ERBB4: variants seen among roughly 807,000 people sequenced by gnomAD.
ERBB4 encodes receptor tyrosine-protein kinase erbB-4.
A neutral mutation model predicts 158.0 loss-of-function variants in ERBB4; 42 were observed. That is an observed-to-expected ratio of 0.27 (90% CI 0.21 to 0.34). ERBB4 has a LOEUF of 0.34. Ranked by LOEUF, ERBB4 falls within the 10% of genes least tolerant of loss-of-function variation. The pLI, the probability that ERBB4 is intolerant of heterozygous loss-of-function variation, is 1.00. For missense variants in ERBB4, 1,333 were observed against 1,624.1 expected (o/e 0.82, Z 3.08); for synonymous variants, 583 against 558.7 (o/e 1.04, Z -0.61).
chr2:212,480,616 T>C (rs1689646240), intron 1 of ERBB4, among the ~76,000 whole-genome samples: 1 of 152,206 alleles, frequency 6.6e-6, no homozygotes, highest in Non-Finnish European at 1.5e-5. Context: ...AATTGAATTG[T>C]AGTGTGCTGT....
chr2:211,408,132 C>CA (rs2063182892), intron 25 of ERBB4, among the ~76,000 whole-genome samples: 2 of 152,090 alleles, frequency 1.3e-5, no homozygotes, highest in East Asian at 1.9e-4. Flanking sequence ...AAATAACTTC[C>CA]AAAAAATTTG....
intron 1 of ERBB4, among the ~76,000 whole-genome samples, chr2:212,496,741 T>C (rs1010624718): frequency 6.6e-6 from 1 of 152,220 alleles, no homozygotes; most frequent in Non-Finnish European, 1.5e-5. Context: ...ATCTCTATGC[T>C]GACTTCATAA....
intron 1 of ERBB4, among the ~76,000 whole-genome samples, chr2:212,215,472 A>T (rs1421727097): frequency 6.6e-6 from 1 of 151,436 alleles, no homozygotes; most frequent in Non-Finnish European, 1.5e-5. Flanking sequence ...GCATTGTATA[A>T]AATGAGTTAT....
chr2:211,884,829 G>T (rs1378779354), intron 3 of ERBB4, among the ~76,000 whole-genome samples: 1 of 152,028 alleles, frequency 6.6e-6, no homozygotes, highest in Non-Finnish European at 1.5e-5. Flanking sequence ...CCATAACATT[G>T]TATTTCACTT....
intron 2 of ERBB4, among the ~76,000 whole-genome samples, chr2:212,042,600 C>A (rs1288776577): frequency 6.6e-6 from 1 of 152,054 alleles, no homozygotes; most frequent in Non-Finnish European, 1.5e-5. Flanking sequence ...GTCCAGTTGA[C>A]ATTTAATCTA....
chr2:212,052,911 T>C (rs202071574), intron 2 of ERBB4, among the ~76,000 whole-genome samples: 1 of 152,214 alleles, frequency 6.6e-6, no homozygotes, highest in African/African-American at 2.4e-5. Context: ...ATCACCCGAA[T>C]AAAAAAGCTT....
chr2:212,357,725 T>C (rs1397282038), intron 1 of ERBB4, among the ~76,000 whole-genome samples: 3 of 151,796 alleles, frequency 2.0e-5, no homozygotes, highest in Non-Finnish European at 2.9e-5. Context: ...AAAGACATAG[T>C]GTGCTGCCCT....
At chr2:212,056,332 G>C in intron 2 of ERBB4, among the ~76,000 whole-genome samples, 1 of 152,168 alleles carries the variant, frequency 6.6e-6, no homozygotes. Flanking sequence ...GGGGAGAATG[G>C]AACCAAGTTG....
At chr2:211,697,119 C>T (rs1000115643) in intron 12 of ERBB4, among the ~76,000 whole-genome samples, 9 of 148,030 alleles carry the variant, frequency 6.1e-5, no homozygotes, top group African/African-American at 2.3e-4. Context: ...GTATACTCAT[C>T]TGCAAATGCA....
At chr2:212,344,956 A>C (rs1336930830) in intron 1 of ERBB4, among the ~76,000 whole-genome samples, 2 of 152,146 alleles carry the variant, frequency 1.3e-5, no homozygotes, top group African/African-American at 4.8e-5. Flanking sequence ...AAATAAAATA[A>C]TGTTTATAAA....
intron 4 of ERBB4, among the ~76,000 whole-genome samples, chr2:211,768,991 A>T (rs6746063): frequency 6.6e-6 from 1 of 152,076 alleles, no homozygotes; most frequent in South Asian, 2.1e-4. Flanking sequence ...ACATAAGTTC[A>T]AATTCCAAAC....
chr2:212,451,083 G>A (rs1166038713), intron 1 of ERBB4, among the ~76,000 whole-genome samples: 1 of 152,170 alleles, frequency 6.6e-6, no homozygotes, highest in Non-Finnish European at 1.5e-5. Context: ...GAAGTAGAAA[G>A]TAGAGAATGA....
At chr2:211,504,217 G>A (rs2065688083) in intron 20 of ERBB4, among the ~76,000 whole-genome samples, 1 of 151,968 alleles carries the variant, frequency 6.6e-6, no homozygotes, top group Admixed American at 6.6e-5. Flanking sequence ...ATAAGATAAG[G>A]CTCCCAAGAT....
chr2:212,356,945 G>A (rs778478536), intron 1 of ERBB4, among the ~76,000 whole-genome samples: 45 of 151,890 alleles, frequency 3.0e-4, no homozygotes, highest in Non-Finnish European at 4.6e-4. Context: ...TCAAACATAA[G>A]TATATTTTCC....
intron 2 of ERBB4, among the ~76,000 whole-genome samples, chr2:212,028,765 A>C (rs934190703): frequency 1.8e-4 from 27 of 152,068 alleles, no homozygotes; most frequent in African/African-American, 6.0e-4. Flanking sequence ...CTTCTTTTAC[A>C]GTGGTGCTCA....
intron 3 of ERBB4, among the ~76,000 whole-genome samples, chr2:211,822,630 G>C (rs1216464606): frequency 1.3e-5 from 2 of 151,998 alleles, no homozygotes; most frequent in Admixed American, 6.6e-5. Flanking sequence ...TATTACATAA[G>C]TAATGCAACA....
Position 211,600,916 on chromosome 2 carries a change from G to C in ERBB4, c.2301+18261C>G, listed in dbSNP as rs1251920645. ...GAAATCTTTTGAGTTAACTAAGGTGGGTAACTCAAACAAATGGTCACACAC... is the reference window on the plus strand; with the variant it reads ...GAAATCTTTTGAGTTAACTAAGGTGCGTAACTCAAACAAATGGTCACACAC... On this transcript the variant is annotated intron_variant, in intron 19 of 27. Transcript: ENST00000342788. 2.0e-5 allele frequency among the ~76,000 whole-genome samples: 3 copies of C among 151,806 alleles called. 1 individual carries two copies. The South Asian group carries it at 6.2e-4, about 32-fold the overall frequency.
At chr2:211,972,770 A>G (rs908087256) in intron 2 of ERBB4, among the ~76,000 whole-genome samples, 26 of 152,202 alleles carry the variant, frequency 1.7e-4, no homozygotes, top group Non-Finnish European at 2.9e-5. Context: ...TGGACTAAAG[A>G]TTTAAATGTA....
intron 1 of ERBB4, among the ~76,000 whole-genome samples, chr2:212,514,001 T>A (rs1035303345): frequency 2.0e-5 from 3 of 152,132 alleles, no homozygotes; most frequent in African/African-American, 4.8e-5. Flanking sequence ...TAATAAGAAG[T>A]GGTCTTAAAT....
Sources: gnomAD v4.1 joint callset for allele counts (sites outside exome capture counted in the v4.1 genomes callset) on GRCh38, gnomAD v4.1.1 for gene constraint, MANE v1.5 for transcripts, NCBI Gene and HGNC (gene_info 2026-07-23, HGNC 2026-07-21) for gene names.